The following SEC31A variants were observed in gnomAD, a reference collection of about 807,000 sequenced individuals.
SEC31A encodes the protein SEC31 homolog A, COPII component, also known as protein transport protein Sec31A.
In SEC31A, 70 loss-of-function variants were observed where a neutral mutation model predicts 151.0. The observed-to-expected ratio is 0.46, with a 90% confidence interval of 0.38 to 0.57. The LOEUF is 0.57. SEC31A is among the 20% of genes least tolerant of loss of function. The pLI is 0.00. For synonymous variants in SEC31A, 475 were observed against 505.9 expected, an observed-to-expected ratio of 0.94 and a Z score of 0.82; for missense variants, 1,330 against 1,471.2, an observed-to-expected ratio of 0.90 and a Z score of 1.57.
At position 82,881,709 on chromosome 4, in the gene SEC31A, G is replaced by A. The variant is rs530145483; in HGVS notation, c.79+149C>T. On this transcript the variant is annotated intron_variant, in intron 2 of 26. Coordinates refer to ENST00000395310, the MANE Select transcript of SEC31A (RefSeq NM_001077207.4). ...GATCAAAATGCTATGGGAACACAGA[G>A]GAAGAACACTAAACTTGGCTGATAG... is the stretch of plus-strand genomic sequence containing the variant. 9.5e-6 allele frequency: 6 copies of A among 629,890 alleles called. No individual in the cohort carries two copies. In the East Asian group the frequency reaches 1.0e-4, roughly 11 times the overall value. 39.0% of individuals were successfully genotyped at this position (629,890 alleles called of 1,614,324 possible).
At chr4:82,889,589 A>C (rs1741791053) in intron 1 of SEC31A, among the ~76,000 whole-genome samples, 1 of 151,634 alleles carries the variant, frequency 6.6e-6, no homozygotes, top group South Asian at 2.1e-4. Flanking sequence ...AAAATCCTAC[A>C]TGTGTGTATA....
chr4:82,845,828 A>G (rs1024903018), intron 20 of SEC31A, among the ~76,000 whole-genome samples: 8 of 152,154 alleles, frequency 5.3e-5, no homozygotes, highest in Non-Finnish European at 7.3e-5. Context: ...AAAGCTGAAT[A>G]TTAAAGATCT....
Position 82,876,159 on chromosome 4 carries a change from G to A in SEC31A, c.403-337C>T, listed in dbSNP as rs184823030. Among the ~76,000 whole-genome samples, 10 of 142,932 alleles carry A rather than the reference G, an allele frequency of 7.0e-5. No individual in the cohort carries two copies. In the East Asian group the frequency reaches 2.0e-3, roughly 29 times the overall value. The allele number at this position is 142,932 out of a possible 152,430, so 93.8% of individuals were successfully genotyped here. On this transcript the variant is annotated intron_variant, in intron 4 of 26. Transcript: ENST00000395310. ...GAGTTTTGCTCTTGTTGCCCAGGCTGGAGTGCAATGGTGCAATCTCAGCTC... is the reference window on the plus strand; with the variant it reads ...GAGTTTTGCTCTTGTTGCCCAGGCTAGAGTGCAATGGTGCAATCTCAGCTC...
At chr4:82,820,973 A>T (rs1162766866) in intron 26 of SEC31A, 64 bp downstream of exon 26, 7 of 1,388,636 alleles carry the variant, frequency 5.0e-6, no homozygotes, top group Middle Eastern at 4.1e-4. Context: ...TGCTGATAAG[A>T]CAACTGTTTT....
At chr4:82,866,280 A>C (rs1022665816) in intron 10 of SEC31A, among the ~76,000 whole-genome samples, 2 of 152,026 alleles carry the variant, frequency 1.3e-5, no homozygotes, top group Non-Finnish European at 2.9e-5. Context: ...AGACCAGGCC[A>C]GTCAACATGG....
At chr4:82,839,040 C>T (rs926373704) in intron 22 of SEC31A, among the ~76,000 whole-genome samples, 3 of 152,190 alleles carry the variant, frequency 2.0e-5, no homozygotes, top group Non-Finnish European at 4.4e-5. Flanking sequence ...TGCAGTGGCA[C>T]GATCTCAGCT....
intron 13 of SEC31A, among the ~76,000 whole-genome samples, chr4:82,862,034 G>A (rs1032273605): frequency 7.7e-5 from 11 of 143,750 alleles, no homozygotes; most frequent in African/African-American, 2.3e-4. Flanking sequence ...TGCCTTAGCC[G>A]CCCAAGTAGC....
chr4:82,879,203 G>A lies in SEC31A; in HGVS notation c.204-275C>T, dbSNP rs77685610. On this transcript the variant is annotated intron_variant, in intron 3 of 26. Coordinates refer to ENST00000395310, the MANE Select transcript of SEC31A (RefSeq NM_001077207.4). ...ACTTGAGTTGTGTGTCAAAAAATAT[G>A]AGCTTAAGAATGATTTTACCATTTA... is the stretch of plus-strand genomic sequence containing the variant. Among the ~76,000 whole-genome samples the A allele has an allele frequency of 7.1e-3, 1,080 of 152,246 alleles. 16 individuals are homozygous for A. The highest frequency in any genetic ancestry group is 0.025 in the African/African-American group (1,041 of 41,536).
chr4:82,856,038 C>G (rs1424229741), intron 16 of SEC31A, among the ~76,000 whole-genome samples: 1 of 152,118 alleles, frequency 6.6e-6, no homozygotes, highest in African/African-American at 2.4e-5. Flanking sequence ...GTGTTTATCA[C>G]TATATAAACA....
chr4:82,881,907 G>A lies in SEC31A; in HGVS notation c.30C>T (p.Ala10=), dbSNP rs755812401. MKLKEVDRT[A]MQAWSPAQNH... ...TCTGGGCAGGGCTCCATGCCTGCAT[G>A]GCTGTACGATCTACTTCCTTTAACT... is the stretch of plus-strand genomic sequence containing the variant. Residue 10 remains alanine (A), a synonymous_variant, in exon 2 of 27, where the codon GCC becomes GCT. Transcript: ENST00000395310. 1 of 1,614,080 alleles carries A rather than the reference G, an allele frequency of 6.2e-7. No homozygotes were observed. The highest frequency in any genetic ancestry group is 2.2e-5 in the East Asian group (1 of 44,882).
At chr4:82,844,265 G>A in intron 21 of SEC31A, 121 bp downstream of exon 21, 1 of 1,066,694 alleles carries the variant, frequency 9.4e-7, no homozygotes, top group Non-Finnish European at 1.4e-6. Context: ...AGGGACTCAG[G>A]AATCCTATGC....
chr4:82,891,112 A>T lies in SEC31A; in HGVS notation c.-29T>A. On this transcript the variant is annotated 5_prime_UTR_variant, in exon 1 of 27. Transcript: ENST00000395310. Reference sequence around the variant, plus strand: ...CCTGGCGAGGACCTTCGGCAGCCGGATCCTGCGTTAGTGCAGCGCTCGTCG... The same window carrying T: ...CCTGGCGAGGACCTTCGGCAGCCGGTTCCTGCGTTAGTGCAGCGCTCGTCG... The T allele has an allele frequency of 6.5e-7, 1 of 1,535,926 alleles. No individual in the cohort carries two copies.
At chr4:82,820,124 G>T (rs1722995400) in intron 26 of SEC31A, among the ~76,000 whole-genome samples, 1 of 130,650 alleles carries the variant, frequency 7.7e-6, no homozygotes, top group African/African-American at 2.7e-5. Context: ...TACGCTAATT[G>T]TATCTTCTGT....
chr4:82,820,089 T>C (rs2148885334), intron 26 of SEC31A, among the ~76,000 whole-genome samples: 1 of 151,862 alleles, frequency 6.6e-6, no homozygotes, highest in South Asian at 2.1e-4. Context: ...TAAAAAATGT[T>C]TTAATATATA....
At chr4:82,866,617 T>C (rs1174492965) in intron 10 of SEC31A, among the ~76,000 whole-genome samples, 191 bp downstream of exon 10, 1 of 152,178 alleles carries the variant, frequency 6.6e-6, no homozygotes, top group Non-Finnish European at 1.5e-5. Context: ...TTTACCATGA[T>C]TTTTAAAAAA....
chr4:82,878,234 G>A (rs1273130689), intron 4 of SEC31A, among the ~76,000 whole-genome samples: 2 of 151,862 alleles, frequency 1.3e-5, no homozygotes, highest in African/African-American at 2.4e-5. Flanking sequence ...AGTGGCTCAC[G>A]TCTGTAATCC....
chr4:82,883,119 C>CA (rs1455425081), intron 1 of SEC31A, among the ~76,000 whole-genome samples: 9 of 150,742 alleles, frequency 6.0e-5, no homozygotes, highest in Non-Finnish European at 8.9e-5. Context: ...GACTCGGTCT[C>CA]AAAAAAAAAG....
chr4:82,864,558 G>A lies in SEC31A; in HGVS notation c.1238C>T (p.Pro413Leu). The part of the protein sequence containing the change: ...KLVTFENVRM[P>L]SHQGAEQQQQ... The stretch of plus-strand genomic sequence containing the variant: ...CTGCTGCTCAGCTCCCTGATGAGAA[G>A]GCATTCTGACATTCTCAAACGTAAC... Residue 413 changes from proline to leucine, a missense_variant, in exon 11 of 27, where the codon CCT (proline) becomes CTT (leucine). Pro to Leu is a moderately conservative substitution (Grantham distance 98). Transcript: ENST00000395310. 6.2e-7 allele frequency: 1 copy of A among 1,613,970 alleles called. No homozygotes were observed. Among genetic ancestry groups the A allele is most frequent in the South Asian group, 1.1e-5 (1 of 91,078 alleles).
At chr4:82,896,347 AG>A (rs1293397079) in intron 3 of SEC31A, among the ~76,000 whole-genome samples, 4 of 152,112 alleles carry the variant, frequency 2.6e-5, no homozygotes, top group Admixed American at 6.5e-5. Flanking sequence ...CCTCCCAAGT[AG>A]CTGGGGTTAC....
Sources: gnomAD v4.1 joint callset for allele counts (sites outside exome capture counted in the v4.1 genomes callset) on GRCh38, gnomAD v4.1.1 for gene constraint, MANE v1.5 for transcripts, NCBI Gene and HGNC (gene_info 2026-07-23, HGNC 2026-07-21) for gene names.